ARMC7: variants seen among roughly 807,000 people sequenced by gnomAD.
ARMC7 encodes armadillo repeat containing 7.
A neutral mutation model predicts 14.8 loss-of-function variants in ARMC7; 9 were observed. That is an observed-to-expected ratio of 0.61 (90% confidence interval 0.37 to 1.06). ARMC7 has a LOEUF of 1.06. Among genes scored for constraint, ARMC7 ranks in the 50% least tolerant of loss-of-function variants. The pLI is 0.01. For synonymous variants in ARMC7, 125 were observed against 123.4 expected (o/e 1.01, Z -0.09); for missense variants, 262 against 267.1 (o/e 0.98, Z 0.13).
chr17:75,126,782 G>A (rs753155145), intron 2 of ARMC7, among the ~76,000 whole-genome samples: 7 of 151,836 alleles, frequency 4.6e-5, no homozygotes, highest in Non-Finnish European at 8.8e-5. Context: ...AAAGCTGGGC[G>A]GGGCACAGTG....
intron 2 of ARMC7, among the ~76,000 whole-genome samples, chr17:75,122,957 G>A (rs1438618097): frequency 1.3e-5 from 2 of 151,740 alleles, no homozygotes; most frequent in Non-Finnish European, 2.9e-5. Context: ...CTTATTGTAT[G>A]TACAATCTGG....
At chr17:75,121,008 T>G (rs2074009875) in intron 2 of ARMC7, among the ~76,000 whole-genome samples, 1 of 152,140 alleles carries the variant, frequency 6.6e-6, no homozygotes, top group African/African-American at 2.4e-5. Flanking sequence ...CAACCACTAT[T>G]CTAACCTCTA....
chr17:75,128,849 G>A lies in ARMC7; in HGVS notation c.408G>A (p.Leu136=). 6.2e-7 allele frequency: 1 copy of A among 1,612,964 alleles called. No homozygotes were observed. Residue 136 remains leucine, a synonymous_variant, in exon 3 of 3, where the codon CTG becomes CTA. Transcript: ENST00000245543. The stretch of plus-strand genomic sequence containing the variant: ...CGGGCCGCAGCTTTCTCCCAGAGCT[G>A]ACCGCCACGCCCGTGGTGCAGTGCA... ...SPPGRSFLPE[L]TATPVVQCML...
intron 2 of ARMC7, among the ~76,000 whole-genome samples, chr17:75,125,254 C>A (rs1436267065): frequency 6.6e-6 from 1 of 152,074 alleles, no homozygotes; most frequent in Admixed American, 6.6e-5. Flanking sequence ...TGAACCCTTT[C>A]CCCCCCGGGT....
chr17:75,117,201 T>C (rs1434770833), intron 2 of ARMC7, among the ~76,000 whole-genome samples: 2 of 152,208 alleles, frequency 1.3e-5, no homozygotes, highest in Non-Finnish European at 1.5e-5. Flanking sequence ...CTCAGCCTCC[T>C]GAGTAGCTGG....
intron 2 of ARMC7, among the ~76,000 whole-genome samples, chr17:75,121,387 C>G (rs931280647): frequency 6.6e-6 from 1 of 152,146 alleles, no homozygotes; most frequent in Non-Finnish European, 1.5e-5. Context: ...ATATGCTCCA[C>G]TTCCTTGCCA....
At chr17:75,119,338 G>A (rs901466511) in intron 2 of ARMC7, among the ~76,000 whole-genome samples, 1 of 152,170 alleles carries the variant, frequency 6.6e-6, no homozygotes, top group Admixed American at 6.5e-5. Context: ...ATGCACTCAC[G>A]CTGGCAAGAC....
chr17:75,128,725 T>C lies in ARMC7; in HGVS notation c.284T>C (p.Leu95Pro). ...CPDRANKEHI[L>P]HAGGVPLIIN... ...GACAGGGCCAACAAGGAGCACATCC[T>C]GCACGCAGGAGGTGTCCCACTCATC... Residue 95 changes from leucine to proline, a missense_variant, in exon 3 of 3, where the codon CTG becomes CCG. Leu to Pro is a moderately conservative substitution (Grantham distance 98). Transcript: ENST00000245543. The C allele has an allele frequency of 2.5e-6, 4 of 1,613,596 alleles. No individual in the cohort carries two copies. The highest frequency in any genetic ancestry group is 3.4e-6 in the Non-Finnish European group (4 of 1,180,008).
chr17:75,113,032 ATT>A (rs2073940676), intron 2 of ARMC7, among the ~76,000 whole-genome samples: 2 of 150,966 alleles, frequency 1.3e-5, no homozygotes, highest in African/African-American at 4.9e-5. Context: ...ATTTTATTTT[ATT>A]TTATTTTTTG....
At chr17:75,115,359 G>A (rs775068616) in intron 2 of ARMC7, among the ~76,000 whole-genome samples, 25 of 152,142 alleles carry the variant, frequency 1.6e-4, no homozygotes, top group Admixed American at 7.2e-4. Context: ...GGCCAACATG[G>A]CAAAACCCCG....
chr17:75,119,141 TGTACACTG>T (rs146926485), intron 2 of ARMC7, among the ~76,000 whole-genome samples: 90 of 151,510 alleles, frequency 5.9e-4, no homozygotes, highest in Non-Finnish European at 1.1e-3. Context: ...TACACTGGAC[TGTACACTG>T]GTACACTGGT....
intron 2 of ARMC7, among the ~76,000 whole-genome samples, chr17:75,127,487 C>T (rs7217199): frequency 0.013 from 2,046 of 152,180 alleles, 44 homozygotes; most frequent in African/African-American, 0.046. Flanking sequence ...TTAGTAGAGA[C>T]GGGGTTTCAC....
chr17:75,119,281 T>C (rs866626043), intron 2 of ARMC7, among the ~76,000 whole-genome samples: 28 of 152,196 alleles, frequency 1.8e-4, no homozygotes, highest in African/African-American at 4.8e-4. Flanking sequence ...TAGAGTAAGC[T>C]ACCCTTTGTG....
At chr17:75,111,936 A>G (rs1037444653) in intron 2 of ARMC7, among the ~76,000 whole-genome samples, 1 of 151,398 alleles carries the variant, frequency 6.6e-6, no homozygotes, top group Non-Finnish European at 1.5e-5. Context: ...GCTTAGGGAA[A>G]GGTCTTTGCC....
intron 2 of ARMC7, among the ~76,000 whole-genome samples, chr17:75,127,163 C>T (rs1243621712): frequency 1.3e-5 from 2 of 151,968 alleles, no homozygotes; most frequent in Non-Finnish European, 2.9e-5. Flanking sequence ...GGCTTAAAGC[C>T]GGAAGTTCAA....
At chr17:75,116,728 C>T (rs962836826) in intron 2 of ARMC7, among the ~76,000 whole-genome samples, 5 of 152,218 alleles carry the variant, frequency 3.3e-5, no homozygotes, top group African/African-American at 7.2e-5. Context: ...AGTTCCAATT[C>T]CTAGGATTGT....
At chr17:75,127,134 G>C (rs756682178) in intron 2 of ARMC7, among the ~76,000 whole-genome samples, 2 of 151,466 alleles carry the variant, frequency 1.3e-5, no homozygotes, top group Non-Finnish European at 2.9e-5. Context: ...AACTCCCAGG[G>C]AGGCTGAGGC....
Position 75,110,567 on chromosome 17 carries a change from C to T in ARMC7, c.196C>T (p.Leu66=). The T allele has an allele frequency of 1.2e-6, 2 of 1,614,238 alleles. No homozygotes were observed. The highest frequency in any genetic ancestry group is 1.3e-5 in the African/African-American group (1 of 75,070). ...LQVLDLFLDS[L]SEENETLVEF... ...GGTCCTGGATTTATTTCTCGATTCGCTGTCGGAGGAGAATGAGACCCTGGT... is the reference window on the plus strand; with the variant it reads ...GGTCCTGGATTTATTTCTCGATTCGTTGTCGGAGGAGAATGAGACCCTGGT... The change falls in exon 2 of 3, where the codon CTG becomes TTG. Residue 66 remains leucine (L), a synonymous_variant. Transcript: ENST00000245543.
chr17:75,124,733 G>A (rs889146117), intron 2 of ARMC7, among the ~76,000 whole-genome samples: 2 of 152,332 alleles, frequency 1.3e-5, no homozygotes, highest in South Asian at 2.1e-4. Context: ...TGGGAGGGCC[G>A]AGGGGCAGAA....
Sources: allele counts gnomAD v4.1 joint callset (sites outside exome capture counted in the v4.1 genomes callset), GRCh38; gene constraint gnomAD v4.1.1; transcripts MANE v1.5; gene names NCBI Gene and HGNC (gene_info 2026-07-23, HGNC 2026-07-21).